Variants in ABL2 observed in about 807,000 individuals in gnomAD.
ABL2 encodes ABL proto-oncogene 2, non-receptor tyrosine kinase, also known as tyrosine-protein kinase ABL2.
In ABL2, 49 loss-of-function variants were observed where a neutral mutation model predicts 107.7. That is an observed-to-expected ratio of 0.45 (90% CI 0.36 to 0.58). The LOEUF is 0.58. ABL2 is among the 20% of genes least tolerant of loss of function. ABL2 has a pLI of 0.00. For missense variants in ABL2, 1,245 were observed against 1,457.0 expected (o/e 0.85, Z 2.37); for synonymous variants, 549 against 548.6 (o/e 1.00, Z -0.01).
At chr1:179,116,149 G>A (rs1012726074) in intron 8 of ABL2, among the ~76,000 whole-genome samples, 1 of 152,214 alleles carries the variant, frequency 6.6e-6, no homozygotes, top group Non-Finnish European at 1.5e-5. Context: ...CAAGGCAGGT[G>A]GATCATTTGA....
At chr1:179,136,199 C>T (rs1340547396) in intron 1 of ABL2, among the ~76,000 whole-genome samples, 1 of 151,910 alleles carries the variant, frequency 6.6e-6, no homozygotes, top group Non-Finnish European at 1.5e-5. Context: ...ACCACCCCGT[C>T]TGGGAGGTGT....
rs146697299 is a variant in ABL2 at position 179,179,112 on chromosome 1, T to C, written c.158-45738A>G. Among the ~76,000 whole-genome samples, 332 of 152,262 alleles carry C rather than the reference T, an allele frequency of 2.2e-3. 2 individuals are homozygous for C. Among genetic ancestry groups the C allele is most frequent in the African/African-American group, 7.6e-3 (314 of 41,540 alleles). On this transcript the variant is annotated intron_variant, in intron 1 of 11. Coordinates refer to ENST00000502732, the MANE Select transcript of ABL2 (RefSeq NM_007314.4). Reference sequence around the variant, plus strand: ...TTACATCCTAAGCAGGAATACAATTTAATGAGTCACCAGTTTAAAATGTGC... The same window carrying C: ...TTACATCCTAAGCAGGAATACAATTCAATGAGTCACCAGTTTAAAATGTGC...
At chr1:179,211,934 ACT>A (rs1374932123) in intron 1 of ABL2, among the ~76,000 whole-genome samples, 1 of 152,088 alleles carries the variant, frequency 6.6e-6, no homozygotes, top group African/African-American at 2.4e-5. Flanking sequence ...TGAGGAAAAT[ACT>A]CTCTCCTTAT....
chr1:179,099,616 G>A lies in ABL2; in HGVS notation c.*8102C>T, dbSNP rs1652934135. On this transcript the variant is annotated 3_prime_UTR_variant, in exon 12 of 12. Transcript: ENST00000502732. ...CACATTGTCTCACTATGTCCCCTTA[G>A]CAATGCACACAGTGCCCGATGCTCC... is the stretch of plus-strand genomic sequence containing the variant. 8.7e-6 allele frequency: 2 copies of A among 230,960 alleles called. No individual in the cohort carries two copies. Among genetic ancestry groups the A allele is most frequent in the Non-Finnish European group, 1.7e-5 (2 of 116,732 alleles). 14.3% of individuals were successfully genotyped at this position (230,960 alleles called of 1,614,324 possible). A position where few individuals can be genotyped will look rare whatever the true frequency, so the allele number is the denominator to read the frequency against.
At chr1:179,178,369 T>A (rs1660165418) in intron 1 of ABL2, among the ~76,000 whole-genome samples, 2 of 127,040 alleles carry the variant, frequency 1.6e-5, no homozygotes, top group Non-Finnish European at 3.2e-5. Flanking sequence ...GCCACTGCAT[T>A]CCAGACTGGG....
intron 1 of ABL2, among the ~76,000 whole-genome samples, chr1:179,177,067 C>A (rs1660091339): frequency 6.6e-6 from 1 of 152,026 alleles, no homozygotes; most frequent in Non-Finnish European, 1.5e-5. Context: ...TAAAACCTTG[C>A]TTTTGATGTC....
Position 179,136,077 on chromosome 1 carries a change from A to C in ABL2, c.158-2703T>G, listed in dbSNP as rs536125932. ...TGCCCGGCCAGCCGCCCCGTCCAGG[A>C]GGGAGGTGGGGGGGGTCAGCCCCCC... On this transcript the variant is annotated intron_variant, in intron 1 of 11. Transcript: ENST00000502732. Among the ~76,000 whole-genome samples the C allele has an allele frequency of 2.5e-3, 310 of 125,132 alleles. 3 individuals carry two copies. The highest frequency in any genetic ancestry group is 9.5e-3 in the African/African-American group (301 of 31,634). 82.1% of individuals were successfully genotyped at this position (125,132 alleles called of 152,430 possible).
intron 5 of ABL2, among the ~76,000 whole-genome samples, chr1:179,120,710 C>A (rs1028398373): frequency 2.0e-5 from 3 of 152,156 alleles, no homozygotes; most frequent in Non-Finnish European, 4.4e-5. Flanking sequence ...TGAGCCACCA[C>A]GCCCAGCTGA....
intron 1 of ABL2, among the ~76,000 whole-genome samples, chr1:179,162,099 C>T (rs530577901): frequency 2.6e-5 from 4 of 152,202 alleles, no homozygotes; most frequent in East Asian, 1.9e-4. Flanking sequence ...GTTATAGCAA[C>T]GCAAAATGGA....
At chr1:179,183,257 T>C (rs541641084) in intron 1 of ABL2, among the ~76,000 whole-genome samples, 1 of 152,186 alleles carries the variant, frequency 6.6e-6, no homozygotes, top group Admixed American at 6.5e-5. Context: ...GATGAGAAAT[T>C]ACTTAATGCG....
chr1:179,164,279 G>A (rs569443726), intron 1 of ABL2, among the ~76,000 whole-genome samples: 3 of 152,258 alleles, frequency 2.0e-5, no homozygotes, highest in East Asian at 3.9e-4. Flanking sequence ...AAAAAGTCAT[G>A]CCATGAATGT....
rs201832781 is a variant in ABL2, at chr1:179,108,554, G to C, written c.2713C>G (p.Pro905Ala). 6.2e-7 allele frequency: 1 copy of C among 1,614,082 alleles called. No individual in the cohort carries two copies. Among genetic ancestry groups the C allele is most frequent in the Admixed American group, 1.7e-5 (1 of 60,020 alleles). The part of the protein sequence containing the change: ...GGARLGMAGV[P>A]EDGEQPGWPS... ...CAGCCCGGCTGCTCTCCATCCTCTG[G>C]AACTCCAGCCATCCCAAGTCGTGCC... The change falls in exon 12 of 12, where the codon CCA becomes GCA. Residue 905 changes from proline to alanine, a missense_variant. By Grantham distance (27) the Pro-to-Ala change is conservative. Transcript: ENST00000502732.
intron 1 of ABL2, among the ~76,000 whole-genome samples, chr1:179,170,905 AT>A (rs1659682028): frequency 6.6e-6 from 1 of 151,540 alleles, no homozygotes; most frequent in Non-Finnish European, 1.5e-5. Flanking sequence ...TAATTTTTGT[AT>A]TTTTTAGTAG....
chr1:179,193,811 A>G (rs1429157855), intron 1 of ABL2, among the ~76,000 whole-genome samples: 4 of 152,074 alleles, frequency 2.6e-5, no homozygotes, highest in Non-Finnish European at 5.9e-5. Flanking sequence ...GGCTCACTGC[A>G]AGCTCCATCT....
Position 179,131,433 on chromosome 1 carries a change from T to A in ABL2, c.269A>T (p.Asn90Ile). The A allele has an allele frequency of 6.2e-7, 1 of 1,614,124 alleles. No individual in the cohort carries two copies. The part of the protein sequence containing the change: ...YGCDVEPQAL[N>I]EAIRWSSKEN... Reference sequence around the variant, plus strand: ...CTTGGAGCTCCACCTGATAGCCTCATTTAGTGCCTGGGGTTCAACATCACA... The same window carrying A: ...CTTGGAGCTCCACCTGATAGCCTCAATTAGTGCCTGGGGTTCAACATCACA... Residue 90 changes from asparagine (N) to isoleucine (I), a missense_variant, in exon 3 of 12, where the codon AAT (asparagine) becomes ATT (isoleucine). Asn to Ile is a moderately radical substitution (Grantham distance 149). Around this residue, in one of 3 missense-constraint regions of ABL2, gnomAD observed 164 missense variants for 143.7 expected, o/e 1.14. Coordinates refer to ENST00000502732, the MANE Select transcript of ABL2 (RefSeq NM_007314.4).
At chr1:179,216,827 G>A (rs1662590222) in intron 1 of ABL2, among the ~76,000 whole-genome samples, 7 of 151,838 alleles carry the variant, frequency 4.6e-5, no homozygotes, top group Admixed American at 4.6e-4. Context: ...GCAACTACAG[G>A]CGCACGCCAC....
At chr1:179,172,627 A>G (rs1039923329) in intron 1 of ABL2, among the ~76,000 whole-genome samples, 3 of 152,224 alleles carry the variant, frequency 2.0e-5, no homozygotes, top group African/African-American at 7.2e-5. Context: ...TTATATCTTC[A>G]TAGGATACAG....
At chr1:179,114,286 G>C (rs1003989458) in intron 9 of ABL2, among the ~76,000 whole-genome samples, 9 of 151,934 alleles carry the variant, frequency 5.9e-5, no homozygotes, top group Admixed American at 3.3e-4. Flanking sequence ...GTGCGTGCCT[G>C]TGGTTCCAGC....
chr1:179,226,573 C>T (rs1663225240), intron 1 of ABL2, among the ~76,000 whole-genome samples: 1 of 152,058 alleles, frequency 6.6e-6, no homozygotes, highest in South Asian at 2.1e-4. Flanking sequence ...TCCCACAGTG[C>T]TGGGATTACA....
Sources: gnomAD v4.1 joint callset for allele counts (sites outside exome capture counted in the v4.1 genomes callset) on GRCh38, gnomAD v4.1.1 for gene constraint, gnomAD v4.1.1 regional missense constraint, MANE v1.5 for transcripts, NCBI Gene and HGNC (gene_info 2026-07-23, HGNC 2026-07-21) for gene names.